GABRG3: variants seen among roughly 807,000 people sequenced by gnomAD.
GABRG3 encodes gamma-aminobutyric acid receptor subunit gamma-3.
Under a neutral mutation model 48.8 loss-of-function variants are expected in GABRG3, and 25 were observed. The ratio of observed to expected loss-of-function variants is 0.51; its 90% CI spans 0.37 to 0.72. GABRG3 has a LOEUF of 0.72. GABRG3 is among the 30% of genes least tolerant of loss of function. GABRG3 has a pLI of 0.00. For missense variants in GABRG3, 394 were observed against 577.9 expected, an observed-to-expected ratio of 0.68 and a Z score of 3.26; for synonymous variants, 227 against 217.6, an observed-to-expected ratio of 1.04 and a Z score of -0.38.
rs1896098909 is a variant in GABRG3, at chr15:27,388,352, GTA to G, written c.574+59465_574+59466del. 3.1e-4 allele frequency among the ~76,000 whole-genome samples: 10 copies of G among 32,342 alleles called. 1 individual carries two copies. Among genetic ancestry groups the G allele is most frequent in the East Asian group, 4.6e-3 (2 of 438 alleles). 21.2% of individuals were successfully genotyped at this position (32,342 alleles called of 152,430 possible). A position where few individuals can be genotyped will look rare whatever the true frequency, so the allele number is the denominator to read the frequency against. On this transcript the variant is annotated intron_variant, in intron 5 of 9. Transcript: ENST00000615808. ...GAAGGAAGGAAAGGTGGGAGGGAGG[GTA>G]AGGAAGGAAGGAAGAAAGGAAGGAA... is the stretch of plus-strand genomic sequence containing the variant.
intron 7 of GABRG3, among the ~76,000 whole-genome samples, chr15:27,525,529 G>T (rs1034292454): frequency 1.3e-5 from 2 of 152,170 alleles, no homozygotes; most frequent in African/African-American, 2.4e-5. Context: ...GTTTCAGGGT[G>T]GGGGTGGAAG....
intron 2 of GABRG3, among the ~76,000 whole-genome samples, chr15:27,008,324 T>C (rs1170212734): frequency 6.6e-6 from 1 of 152,112 alleles, no homozygotes; most frequent in African/African-American, 2.4e-5. Flanking sequence ...CTAAAAAGAG[T>C]AACTCACTCT....
chr15:27,316,106 C>G (rs953888179), intron 3 of GABRG3, among the ~76,000 whole-genome samples: 1 of 152,020 alleles, frequency 6.6e-6, no homozygotes, highest in African/African-American at 2.4e-5. Flanking sequence ...AAAAATGGGC[C>G]GGGCGCGGTG....
intron 2 of GABRG3, among the ~76,000 whole-genome samples, chr15:27,018,394 A>T (rs934635636): frequency 2.0e-5 from 3 of 152,188 alleles, no homozygotes; most frequent in African/African-American, 7.2e-5. Flanking sequence ...AAGAATAGGA[A>T]TTCTCAAGGT....
chr15:27,533,184 T>C lies in GABRG3; in HGVS notation c.*303T>C. 1 of 310,376 alleles carries C rather than the reference T, an allele frequency of 3.2e-6. No homozygotes were observed. Among genetic ancestry groups the C allele is most frequent in the Non-Finnish European group, 6.0e-6 (1 of 165,932 alleles). The allele number at this position is 310,376 out of a possible 1,614,324, so 19.2% of individuals were successfully genotyped here. A position where few individuals can be genotyped will look rare whatever the true frequency, so the allele number is the denominator to read the frequency against. On this transcript the variant is annotated 3_prime_UTR_variant, in exon 10 of 10. Coordinates refer to ENST00000615808, the MANE Select transcript of GABRG3 (RefSeq NM_033223.5). The stretch of plus-strand genomic sequence containing the variant: ...TTGGATATTGGAAGCAGCCGCTGAT[T>C]ACCCTTGCAAAGAAATCTGTAAAAT...
At chr15:27,437,432 G>T (rs895000958) in intron 5 of GABRG3, among the ~76,000 whole-genome samples, 1 of 152,180 alleles carries the variant, frequency 6.6e-6, no homozygotes, top group African/African-American at 2.4e-5. Context: ...TAGAACAGAG[G>T]AAAATGGCTT....
chr15:27,251,066 G>A (rs1156339430), intron 3 of GABRG3, among the ~76,000 whole-genome samples: 2 of 152,148 alleles, frequency 1.3e-5, no homozygotes, highest in Non-Finnish European at 2.9e-5. Flanking sequence ...GACGTGAATC[G>A]ACTGCCACGC....
intron 2 of GABRG3, among the ~76,000 whole-genome samples, chr15:26,990,798 T>C (rs1428654119): frequency 1.4e-5 from 2 of 142,786 alleles, no homozygotes; most frequent in Non-Finnish European, 3.0e-5. Flanking sequence ...CTTTAATCCA[T>C]TTTGATTTTT....
intron 3 of GABRG3, among the ~76,000 whole-genome samples, chr15:27,229,511 C>T (rs1382271853): frequency 6.6e-6 from 1 of 151,834 alleles, no homozygotes; most frequent in Non-Finnish European, 1.5e-5. Context: ...GGGTCTCACT[C>T]TGTCACTCAG....
intron 3 of GABRG3, among the ~76,000 whole-genome samples, chr15:27,268,795 G>A (rs956572388): frequency 2.0e-5 from 3 of 151,964 alleles, no homozygotes; most frequent in African/African-American, 7.3e-5. Flanking sequence ...ACCCAACTTG[G>A]CCTTCCCATA....
chr15:27,388,159 AAAGG>A (rs1186780828), intron 5 of GABRG3, among the ~76,000 whole-genome samples: 6 of 15,698 alleles, frequency 3.8e-4, no homozygotes, highest in African/African-American at 1.9e-3. Flanking sequence ...AGGAAGGAAG[AAAGG>A]AAGGAAGGAA....
intron 3 of GABRG3, among the ~76,000 whole-genome samples, chr15:27,132,471 GTTTTTT>G (rs59023766): frequency 2.3e-4 from 9 of 39,592 alleles, no homozygotes; most frequent in East Asian, 1.0e-3. Flanking sequence ...AGTAGTTACA[GTTTTTT>G]TTTTTTTTTT....
chr15:27,103,547 A>C (rs1333432018), intron 3 of GABRG3, among the ~76,000 whole-genome samples: 1 of 152,184 alleles, frequency 6.6e-6, no homozygotes, highest in African/African-American at 2.4e-5. Context: ...TAAATACCAA[A>C]GCTCGGTTAG....
chr15:27,194,726 G>A (rs549801222), intron 3 of GABRG3, among the ~76,000 whole-genome samples: 1 of 152,164 alleles, frequency 6.6e-6, no homozygotes, highest in South Asian at 2.1e-4. Flanking sequence ...TCTGAGTATG[G>A]ATTTTGTTGG....
intron 3 of GABRG3, among the ~76,000 whole-genome samples, chr15:27,308,518 A>G (rs1892833995): frequency 6.8e-6 from 1 of 148,016 alleles, no homozygotes; most frequent in South Asian, 2.2e-4. Context: ...CATAATGTAA[A>G]CATACATGTT....
At chr15:27,530,569 T>A in intron 9 of GABRG3, 1 of 468,932 alleles carries the variant, frequency 2.1e-6, no homozygotes, top group Non-Finnish European at 4.4e-6. Context: ...CCAGGTGTTT[T>A]TTGGCTCCCT....
intron 5 of GABRG3, among the ~76,000 whole-genome samples, chr15:27,407,737 A>G (rs1887680430): frequency 6.6e-6 from 1 of 152,222 alleles, no homozygotes; most frequent in Non-Finnish European, 1.5e-5. Context: ...GATTCTAACT[A>G]TATGGCATTC....
Position 27,384,699 on chromosome 15 carries a change from G to A in GABRG3, c.574+55811G>A, listed in dbSNP as rs978121885. Among the ~76,000 whole-genome samples, 4 of 152,066 alleles carry A rather than the reference G, an allele frequency of 2.6e-5. No individual in the cohort carries two copies. The East Asian group carries it at 7.7e-4, about 29-fold the overall frequency. On this transcript the variant is annotated intron_variant, in intron 5 of 9. Transcript: ENST00000615808. The stretch of plus-strand genomic sequence containing the variant: ...AGATTAATGTTAAATAGGAAAAAGT[G>A]GTGCAAAAGAGAGGAGTCTTGTTAA...
At chr15:27,477,575 T>C (rs1414085977) in intron 5 of GABRG3, among the ~76,000 whole-genome samples, 1 of 152,176 alleles carries the variant, frequency 6.6e-6, no homozygotes, top group Non-Finnish European at 1.5e-5. Context: ...CTATGGACTC[T>C]TAGTAATAAC....
Sources: allele counts gnomAD v4.1 joint callset (sites outside exome capture counted in the v4.1 genomes callset), GRCh38; gene constraint gnomAD v4.1.1; transcripts MANE v1.5; gene names NCBI Gene and HGNC (gene_info 2026-07-23, HGNC 2026-07-21).